Variants in PELI2 observed in about 807,000 individuals in gnomAD.
The protein encoded by PELI2 is E3 ubiquitin-protein ligase pellino homolog 2.
PELI2 carries 23 observed loss-of-function variants against 42.3 expected under a neutral mutation model. The ratio of observed to expected loss-of-function variants is 0.54; its 90% CI spans 0.39 to 0.77. The LOEUF is 0.77. PELI2 is among the 30% of genes least tolerant of loss of function. The pLI is 0.00. For missense variants in PELI2, 463 were observed against 553.2 expected, an observed-to-expected ratio of 0.84 and a Z score of 1.64; for synonymous variants, 245 against 212.2, an observed-to-expected ratio of 1.15 and a Z score of -1.34.
At chr14:56,165,431 A>G (rs1450940504) in intron 1 of PELI2, among the ~76,000 whole-genome samples, 1 of 152,050 alleles carries the variant, frequency 6.6e-6, no homozygotes, top group Admixed American at 6.5e-5. Flanking sequence ...GACTTGTTTA[A>G]CATTTGTTTT....
chr14:56,149,592 T>C (rs1884261390), intron 1 of PELI2, among the ~76,000 whole-genome samples: 1 of 151,964 alleles, frequency 6.6e-6, no homozygotes, highest in Admixed American at 6.6e-5. Flanking sequence ...GGAGCCCACC[T>C]TTTACTTTTT....
At chr14:56,232,138 G>A (rs75680756) in intron 2 of PELI2, among the ~76,000 whole-genome samples, 1 of 152,072 alleles carries the variant, frequency 6.6e-6, no homozygotes, top group Admixed American at 6.6e-5. Flanking sequence ...ACCAAAAAAA[G>A]TCCAGGACCA....
intron 2 of PELI2, among the ~76,000 whole-genome samples, chr14:56,207,470 T>C (rs1026112547): frequency 6.6e-6 from 1 of 152,112 alleles, no homozygotes; most frequent in African/African-American, 2.4e-5. Context: ...AGCAAGAAAA[T>C]TTGAAGTCCC....
At chr14:56,265,151 T>A (rs192041441) in intron 2 of PELI2, among the ~76,000 whole-genome samples, 105 of 152,236 alleles carry the variant, frequency 6.9e-4, no homozygotes, top group African/African-American at 2.4e-3. Context: ...TAAATTTCAT[T>A]TGAAAATGTG....
intron 2 of PELI2, among the ~76,000 whole-genome samples, chr14:56,252,169 G>A: frequency 6.6e-6 from 1 of 152,196 alleles, no homozygotes; most frequent in Non-Finnish European, 1.5e-5. Context: ...AGTAAATATA[G>A]TTGTCATAGC....
intron 2 of PELI2, among the ~76,000 whole-genome samples, chr14:56,234,908 C>G (rs1887733244): frequency 6.6e-6 from 1 of 152,104 alleles, no homozygotes; most frequent in Admixed American, 6.5e-5. Context: ...TGGGTGCTGG[C>G]AGGGGCTTAA....
chr14:56,202,581 C>T (rs1468192433), intron 2 of PELI2, among the ~76,000 whole-genome samples: 1 of 152,112 alleles, frequency 6.6e-6, no homozygotes, highest in Non-Finnish European at 1.5e-5. Flanking sequence ...TCCCAAGTGT[C>T]TGATGATATT....
intron 2 of PELI2, among the ~76,000 whole-genome samples, chr14:56,270,931 A>C (rs929393069): frequency 1.3e-5 from 2 of 152,178 alleles, no homozygotes; most frequent in African/African-American, 4.8e-5. Context: ...TCTAAAGTAC[A>C]TGTAAAGTTT....
chr14:56,144,340 C>G (rs536073983), intron 1 of PELI2, among the ~76,000 whole-genome samples: 1 of 152,308 alleles, frequency 6.6e-6, no homozygotes, highest in African/African-American at 2.4e-5. Context: ...ATCCATAGAG[C>G]AGTCTGCCAG....
intron 2 of PELI2, among the ~76,000 whole-genome samples, chr14:56,246,572 AT>A (rs1449523594): frequency 6.6e-6 from 1 of 152,058 alleles, no homozygotes; most frequent in Non-Finnish European, 1.5e-5. Flanking sequence ...GATTAGAGTG[AT>A]TTTTTTGTGT....
chr14:56,133,630 C>T (rs145553832), intron 1 of PELI2, among the ~76,000 whole-genome samples: 53 of 152,352 alleles, frequency 3.5e-4, no homozygotes, highest in African/African-American at 1.2e-3. Flanking sequence ...TTTTCTTCAT[C>T]TTTTGTGCTT....
intron 2 of PELI2, among the ~76,000 whole-genome samples, chr14:56,214,342 T>C (rs1169940055): frequency 6.6e-6 from 1 of 152,214 alleles, no homozygotes; most frequent in East Asian, 1.9e-4. Flanking sequence ...TAGGAAATGA[T>C]GCTACTTTTT....
At chr14:56,280,618 TCTGCTA>T (rs1487632729) in intron 3 of PELI2, among the ~76,000 whole-genome samples, 1 of 152,078 alleles carries the variant, frequency 6.6e-6, no homozygotes, top group Admixed American at 6.6e-5. Context: ...AACATCATAC[TCTGCTA>T]AAGTAAATTC....
intron 2 of PELI2, among the ~76,000 whole-genome samples, chr14:56,199,322 C>T (rs566266889): frequency 4.3e-4 from 65 of 152,246 alleles, no homozygotes; most frequent in African/African-American, 1.4e-3. Context: ...CCATTTACTT[C>T]TGTTCTGTTT....
rs757164206 is a variant in PELI2, at chr14:56,297,076, T to C, written c.1173T>C (p.His391=). The change falls in exon 6 of 6, where the codon CAT becomes CAC. Residue 391 remains histidine, a synonymous_variant. Transcript: ENST00000267460. ...WSQIPLPHGT[H]AFHAACPFCA... ...AGATCCCGTTGCCTCATGGAACTCATGCATTTCACGCTGCTTGCCCTTTCT... is the reference window on the plus strand; with the variant it reads ...AGATCCCGTTGCCTCATGGAACTCACGCATTTCACGCTGCTTGCCCTTTCT... 22 of 1,612,060 alleles carry C rather than the reference T, an allele frequency of 1.4e-5. No homozygotes were observed. The highest frequency in any genetic ancestry group is 2.2e-5 in the East Asian group (1 of 44,900).
intron 2 of PELI2, among the ~76,000 whole-genome samples, chr14:56,255,236 C>T (rs1659063369): frequency 6.6e-6 from 1 of 152,164 alleles, no homozygotes; most frequent in Non-Finnish European, 1.5e-5. Flanking sequence ...GGAACCAACC[C>T]AAATGCCCAT....
At chr14:56,216,816 A>G (rs917740513) in intron 2 of PELI2, among the ~76,000 whole-genome samples, 1 of 152,166 alleles carries the variant, frequency 6.6e-6, no homozygotes, top group African/African-American at 2.4e-5. Context: ...TACCCCGCAG[A>G]CAGTTGGCTG....
chr14:56,149,728 A>G (rs1884266496), intron 1 of PELI2, among the ~76,000 whole-genome samples: 1 of 152,002 alleles, frequency 6.6e-6, no homozygotes. Context: ...ACTTTGCAGC[A>G]TCTCTGAAAA....
intron 2 of PELI2, among the ~76,000 whole-genome samples, chr14:56,191,295 T>C (rs1384256493): frequency 6.6e-6 from 1 of 152,218 alleles, no homozygotes; most frequent in Non-Finnish European, 1.5e-5. Context: ...GCAAAGCAGT[T>C]TAATAACTTT....
Sources: gnomAD v4.1 joint callset for allele counts (sites outside exome capture counted in the v4.1 genomes callset) on GRCh38, gnomAD v4.1.1 for gene constraint, MANE v1.5 for transcripts, NCBI Gene and HGNC (gene_info 2026-07-23, HGNC 2026-07-21) for gene names.